Variants in TMEM94 observed in about 807,000 individuals in gnomAD.
TMEM94 encodes the protein ER Mg2+ ATPase.
Under a neutral mutation model 158.6 loss-of-function variants are expected in TMEM94, and 81 were observed. That is an observed-to-expected ratio of 0.51 (90% CI 0.43 to 0.61). The LOEUF (loss-of-function observed/expected upper bound fraction) is 0.61, where lower values mean the gene tolerates loss of function less well. Among genes scored for constraint, TMEM94 ranks in the 20% least tolerant of loss-of-function variants. The pLI is 0.00. For synonymous variants in TMEM94, 751 were observed against 730.7 expected (o/e 1.03, Z -0.45); for missense variants, 1,435 against 1,762.0 (o/e 0.81, Z 3.32).
At position 75,494,739 on chromosome 17, in the gene TMEM94, C is replaced by T. The variant is rs776598558; in HGVS notation, c.2520C>T (p.Leu840=). Residue 840 remains leucine, a synonymous_variant, in exon 19 of 32, where the codon CTC becomes CTT. Transcript: ENST00000314256. ...QYQARLDIVR[L]IDGLVNACIR... Reference sequence around the variant, plus strand: ...AGGCCCGGCTGGACATCGTGCGCCTCATTGATGGGCTTGTCAACGCCTGCA... The same window carrying T: ...AGGCCCGGCTGGACATCGTGCGCCTTATTGATGGGCTTGTCAACGCCTGCA... The T allele has an allele frequency of 6.2e-7, 1 of 1,613,768 alleles. No individual in the cohort carries two copies. The highest frequency in any genetic ancestry group is 1.3e-5 in the African/African-American group (1 of 75,066).
rs576828317 is a variant in TMEM94 at position 75,491,949 on chromosome 17, G to T, written c.1596+49G>T. 2 of 1,549,178 alleles carry T rather than the reference G, an allele frequency of 1.3e-6. No individual in the cohort carries two copies. The highest frequency in any genetic ancestry group is 1.2e-5 in the South Asian group (1 of 86,322). ...GCAGCCACACCCTCGGCCACAGGCT[G>T]TCCTGGCCTCCCTGGCCAGCCTGGC... On this transcript the variant is annotated intron_variant, in intron 14 of 31. Transcript: ENST00000314256. The surrounding 1 kb of genome is among the most constrained non-coding windows in gnomAD (Gnocchi z 5.1).
rs1245353940 is a variant in TMEM94, at chr17:75,490,327, A to T, written c.1048A>T (p.Ser350Cys). 1 of 1,613,880 alleles carries T rather than the reference A, an allele frequency of 6.2e-7. No homozygotes were observed. The highest frequency in any genetic ancestry group is 8.5e-7 in the Non-Finnish European group (1 of 1,179,986). The change falls in exon 10 of 32, where the codon AGC (serine) becomes TGC (cysteine). Residue 350 changes from serine to cysteine, a missense_variant. Around this residue, in one of 3 missense-constraint regions of TMEM94, gnomAD observed 1,051 missense variants for 1,254.4 expected, o/e 0.84. Coordinates refer to ENST00000314256, the MANE Select transcript of TMEM94 (RefSeq NM_014738.6). Reference protein sequence around the residue: ...CGEARVLAQMSKASPSSLLAK... With the variant: ...CGEARVLAQMCKASPSSLLAK... Reference sequence around the variant, plus strand: ...AGAGGCCCGTGTCCTGGCCCAGATGAGCAAGGCCTCACCCAGCTCCCTGGT... The same window carrying T: ...AGAGGCCCGTGTCCTGGCCCAGATGTGCAAGGCCTCACCCAGCTCCCTGGT...
chr17:75,478,110 G>C (rs560112066), intron 2 of TMEM94, among the ~76,000 whole-genome samples: 2,317 of 126,364 alleles, frequency 0.018, 20 homozygotes, highest in Non-Finnish European at 0.029. Context: ...CCGCCTCCCG[G>C]GTTCACGCCA....
At position 75,469,640 on chromosome 17, in the gene TMEM94, C is replaced by T. The variant is rs376353865; in HGVS notation, c.-106-2160C>T. ...GATTGCAGGCGTGAGCCACTGTGCTCGGCCTTAACCCTAAATTTTTAAAAT... is the reference window on the plus strand; with the variant it reads ...GATTGCAGGCGTGAGCCACTGTGCTTGGCCTTAACCCTAAATTTTTAAAAT... On this transcript the variant is annotated intron_variant, in intron 1 of 31. Transcript: ENST00000314256. 3.3e-5 allele frequency among the ~76,000 whole-genome samples: 5 copies of T among 151,152 alleles called. No individual in the cohort carries two copies. The East Asian group carries it at 6.0e-4, about 18-fold the overall frequency.
Position 75,497,344 on chromosome 17 carries a change from CTTTTTTTTTTTTTT to C in TMEM94, c.3407+160_3407+173del, listed in dbSNP as rs67776731. 1.1e-3 allele frequency: 149 copies of C among 130,382 alleles called. 2 individuals are homozygous for C. Among genetic ancestry groups the C allele is most frequent in the African/African-American group, 9.2e-3 (125 of 13,654 alleles). 8.1% of individuals were successfully genotyped at this position (130,382 alleles called of 1,614,324 possible). ...GAGGCATGGAGGGAACCCCCTTTGTCTTTTTTTTTTTTTTTTTTTTTTTTTTTGAGATGGAGTCT... is the reference window on the plus strand; with the variant it reads ...GAGGCATGGAGGGAACCCCCTTTGTCTTTTTTTTTTTTTGAGATGGAGTCT... On this transcript the variant is annotated intron_variant, in intron 26 of 31. Coordinates refer to ENST00000314256, the MANE Select transcript of TMEM94 (RefSeq NM_014738.6).
chr17:75,488,278 C>T (rs2051801452), intron 6 of TMEM94, 144 bp downstream of exon 6: 2 of 729,856 alleles, frequency 2.7e-6, no homozygotes, highest in Middle Eastern at 3.7e-4. Context: ...TTCCTCCACC[C>T]TGCTGTTCTT....
chr17:75,490,660 C>T (rs764356376), intron 10 of TMEM94, 42 bp from the exon 11 acceptor site: 37 of 1,575,268 alleles, frequency 2.3e-5, no homozygotes, highest in East Asian at 9.0e-5. Context: ...TGTGTGAAGG[C>T]GGCGTTTTCC....
rs762804698 is a variant in TMEM94, at chr17:75,496,395, G to C, written c.3167G>C (p.Gly1056Ala). 1.2e-5 allele frequency: 20 copies of C among 1,613,822 alleles called. No individual in the cohort carries two copies. The Admixed American group carries it at 3.3e-4, about 27-fold the overall frequency. The change falls in exon 24 of 32, where the codon GGG becomes GCG. Residue 1056 changes from glycine (G) to alanine (A), a missense_variant. Transcript: ENST00000314256. Reference protein sequence around the residue: ...SDGLSPLQLSGQLNSLPCSLT... With the variant: ...SDGLSPLQLSAQLNSLPCSLT... ...GGCCTTTCTCCCCTGCAGCTGTCAG[G>C]GCAGCTCAACAGCCTGCCCTGTTCC...
Position 75,492,310 on chromosome 17 carries a change from G to A in TMEM94, c.1597-164G>A. 10 of 1,430,104 alleles carry A rather than the reference G, an allele frequency of 7.0e-6. No individual in the cohort carries two copies. In the South Asian group the frequency reaches 1.5e-4, roughly 22 times the overall value. 88.6% of individuals were successfully genotyped at this position (1,430,104 alleles called of 1,614,324 possible). A position where few individuals can be genotyped will look rare whatever the true frequency, so the allele number is the denominator to read the frequency against. On this transcript the variant is annotated intron_variant, in intron 14 of 31. Coordinates refer to ENST00000314256, the MANE Select transcript of TMEM94 (RefSeq NM_014738.6). This position sits in a 1 kb window ranked among gnomAD's most constrained non-coding sequence, Gnocchi z 4.4. Reference sequence around the variant, plus strand: ...AGGAGCCCAAGAAGGACAGGAAGCGGATTTCAGGAGGGAGCGGGTGGAAGA... The same window carrying A: ...AGGAGCCCAAGAAGGACAGGAAGCGAATTTCAGGAGGGAGCGGGTGGAAGA...
chr17:75,483,776 A>G (rs1435385707), intron 2 of TMEM94, among the ~76,000 whole-genome samples: 1 of 152,088 alleles, frequency 6.6e-6, no homozygotes, highest in Non-Finnish European at 1.5e-5. Context: ...GTTTTTGGAC[A>G]CATTGACTCC....
rs759710195 is a variant in TMEM94, at chr17:75,498,291, C to T, written c.3606C>T (p.Asn1202=). ...TCTGTGACAGCTCCCGGGACCGCAACCTCACCAACTGCTCCTCCGTCATGC... is the reference window on the plus strand; with the variant it reads ...TCTGTGACAGCTCCCGGGACCGCAATCTCACCAACTGCTCCTCCGTCATGC... ...QSFCDSSRDR[N]LTNCSSVMLP... The change falls in exon 28 of 32, where the codon AAC becomes AAT. Residue 1202 remains asparagine (N), a synonymous_variant. Transcript: ENST00000314256. The surrounding 1 kb of genome is among the most constrained non-coding windows in gnomAD (Gnocchi z 6.7). 1 of 1,613,400 alleles carries T rather than the reference C, an allele frequency of 6.2e-7. No homozygotes were observed. Among genetic ancestry groups the T allele is most frequent in the Non-Finnish European group, 8.5e-7 (1 of 1,180,022 alleles).
Position 75,495,479 on chromosome 17 carries a change from C to G in TMEM94, c.2845-65C>G, listed in dbSNP as rs959077049. The G allele has an allele frequency of 3.8e-6, 6 of 1,589,574 alleles. No homozygotes were observed. The Admixed American group carries it at 5.0e-5, about 13-fold the overall frequency. The stretch of plus-strand genomic sequence containing the variant: ...AGGGGAGAGGTAGAGAGGTGGTGGG[C>G]AGGCGGTGGAGGGGAGGGATGCTGA... On this transcript the variant is annotated intron_variant, in intron 21 of 31. Coordinates refer to ENST00000314256, the MANE Select transcript of TMEM94 (RefSeq NM_014738.6). The surrounding 1 kb of genome is among the most constrained non-coding windows in gnomAD (Gnocchi z 5.6).
intron 1 of TMEM94, among the ~76,000 whole-genome samples, chr17:75,459,957 C>T (rs1268729640): frequency 6.6e-6 from 1 of 152,110 alleles, no homozygotes; most frequent in Non-Finnish European, 1.5e-5. Context: ...AACAGGAATG[C>T]TTTTCTTCCG....
intron 23 of TMEM94, 49 bp downstream of exon 23, chr17:75,496,123 C>T (rs778013478): frequency 8.4e-5 from 130 of 1,538,556 alleles, no homozygotes; most frequent in Non-Finnish European, 1.1e-4. Flanking sequence ...CCTCCCAGAC[C>T]GGAGGATCAG....
chr17:75,490,576 C>A, intron 10 of TMEM94, 126 bp from the exon 11 acceptor site: 2 of 932,280 alleles, frequency 2.1e-6, no homozygotes, highest in Non-Finnish European at 3.3e-6. Flanking sequence ...GGAGTCAGAA[C>A]GGCCTGGGCC....
Position 75,492,434 on chromosome 17 carries a change from C to G in TMEM94, c.1597-40C>G, listed in dbSNP as rs1198471048. On this transcript the variant is annotated intron_variant, in intron 14 of 31. Transcript: ENST00000314256. This position sits in a 1 kb window ranked among gnomAD's most constrained non-coding sequence, Gnocchi z 4.4. ...CAGAGCCAGTGCTGGCTTCCCCACA[C>G]CCTATCCCGGGCTGAGGCTCTCCTC... 6.5e-7 allele frequency: 1 copy of G among 1,545,596 alleles called. No individual in the cohort carries two copies. The highest frequency in any genetic ancestry group is 2.3e-5 in the East Asian group (1 of 44,202).
chr17:75,487,815 A>ACGCAGAC lies in TMEM94; in HGVS notation c.410-115_410-109dup. ...GTGTTGGAACGAGTGGAGGGGTTTG[A>ACGCAGAC]CGCAGACCTCCTGGGAGAGGAAGTG... On this transcript the variant is annotated intron_variant, in intron 5 of 31. Coordinates refer to ENST00000314256, the MANE Select transcript of TMEM94 (RefSeq NM_014738.6). This position sits in a 1 kb window ranked among gnomAD's most constrained non-coding sequence, Gnocchi z 4.6. 1.2e-6 allele frequency: 1 copy of ACGCAGAC among 825,060 alleles called. No individual in the cohort carries two copies. The highest frequency in any genetic ancestry group is 2.0e-6 in the Non-Finnish European group (1 of 504,480). The allele number at this position is 825,060 out of a possible 1,614,324, so 51.1% of individuals were successfully genotyped here.
chr17:75,497,919 G>A, intron 27 of TMEM94, 57 bp downstream of exon 27: 3 of 1,507,892 alleles, frequency 2.0e-6, no homozygotes, highest in South Asian at 2.3e-5. Context: ...ACTGAGGATT[G>A]GGGGAGGAGA....
chr17:75,468,905 T>C (rs913815620), intron 1 of TMEM94, among the ~76,000 whole-genome samples: 3 of 152,148 alleles, frequency 2.0e-5, no homozygotes, highest in African/African-American at 7.2e-5. Flanking sequence ...AGGTTAGTGC[T>C]TTCTCCAAGA....
Sources: gnomAD v4.1 joint callset for allele counts (sites outside exome capture counted in the v4.1 genomes callset) on GRCh38, gnomAD v4.1.1 for gene constraint, gnomAD v4.1.1 regional missense constraint, Gnocchi (gnomAD v3.1) non-coding constraint, MANE v1.5 for transcripts, NCBI Gene and HGNC (gene_info 2026-07-23, HGNC 2026-07-21) for gene names.